UBE2W: variants seen among roughly 807,000 people sequenced by gnomAD.
The protein encoded by UBE2W is ubiquitin-conjugating enzyme E2 W.
A neutral mutation model predicts 27.2 loss-of-function variants in UBE2W; 18 were observed. The observed-to-expected ratio is 0.66, with a 90% CI of 0.46 to 0.98. The LOEUF is 0.98. Among genes scored for constraint, UBE2W ranks in the 50% least tolerant of loss-of-function variants. UBE2W has a pLI of 0.00. For synonymous variants in UBE2W, 53 were observed against 57.2 expected, an observed-to-expected ratio of 0.93 and a Z score of 0.33; for missense variants, 90 against 180.2, an observed-to-expected ratio of 0.50 and a Z score of 2.87.
At chr8:73,837,741 C>T (rs1371119388) in intron 1 of UBE2W, among the ~76,000 whole-genome samples, 1 of 152,176 alleles carries the variant, frequency 6.6e-6, no homozygotes, top group African/African-American at 2.4e-5. Context: ...CACCCCCAGC[C>T]CTGAGTAAAT....
At chr8:73,829,828 CT>C (rs1376818363) in intron 2 of UBE2W, among the ~76,000 whole-genome samples, 1 of 152,016 alleles carries the variant, frequency 6.6e-6, no homozygotes, top group African/African-American at 2.4e-5. Context: ...GCCACTTTTC[CT>C]TTTCTTTTTA....
chr8:73,790,410 C>T lies in UBE2W; in HGVS notation c.*3692G>A, dbSNP rs555197235. 3 of 985,342 alleles carry T rather than the reference C, an allele frequency of 3.0e-6. No individual in the cohort carries two copies. The highest frequency in any genetic ancestry group is 4.7e-5 in the South Asian group (1 of 21,288). The allele number at this position is 985,342 out of a possible 1,614,324, so 61.0% of individuals were successfully genotyped here. On this transcript the variant is annotated 3_prime_UTR_variant, in exon 6 of 6. Coordinates refer to ENST00000602593, the MANE Select transcript of UBE2W (RefSeq NM_018299.6). ...AGGCAGTAACGGCATTACTATAACA[C>T]AGAACAGTATAGTAGCTGATTCTGA...
chr8:73,852,463 T>C (rs1381713538), intron 1 of UBE2W, among the ~76,000 whole-genome samples: 1 of 152,210 alleles, frequency 6.6e-6, no homozygotes, highest in Non-Finnish European at 1.5e-5. Flanking sequence ...TAAAATACAG[T>C]TCTGTATCTT....
intron 1 of UBE2W, among the ~76,000 whole-genome samples, chr8:73,860,592 A>G (rs546342755): frequency 6.6e-6 from 1 of 152,350 alleles, no homozygotes; most frequent in East Asian, 1.9e-4. Context: ...ATACGGAGGC[A>G]CACAAGGTAC....
intron 1 of UBE2W, among the ~76,000 whole-genome samples, chr8:73,845,856 A>G (rs1810777125): frequency 6.6e-6 from 1 of 152,234 alleles, no homozygotes; most frequent in African/African-American, 2.4e-5. Flanking sequence ...ATGTAAGTAA[A>G]ACCACCAATT....
downstream of UBE2W, among the ~76,000 whole-genome samples, chr8:73,781,405 C>T (rs928578581): frequency 3.9e-5 from 6 of 152,050 alleles, no homozygotes; most frequent in Non-Finnish European, 7.4e-5. Flanking sequence ...CTCCCGTCTC[C>T]ACTTACTAAT....
chr8:73,841,918 A>C (rs1345385812), intron 1 of UBE2W, among the ~76,000 whole-genome samples: 1 of 152,138 alleles, frequency 6.6e-6, no homozygotes, highest in Middle Eastern at 3.2e-3. Flanking sequence ...ACTGAAAAAA[A>C]TTCTCCCCTG....
intron 1 of UBE2W, among the ~76,000 whole-genome samples, chr8:73,844,228 C>T (rs1810669925): frequency 6.6e-6 from 1 of 151,094 alleles, no homozygotes; most frequent in African/African-American, 2.5e-5. Flanking sequence ...GCCGCCATCT[C>T]AACTCACTGC....
At chr8:73,861,671 A>G (rs1811539700) in intron 1 of UBE2W, among the ~76,000 whole-genome samples, 1 of 152,186 alleles carries the variant, frequency 6.6e-6, no homozygotes, top group African/African-American at 2.4e-5. Flanking sequence ...ATATAATAAA[A>G]TATTTTTAAA....
intron 3 of UBE2W, among the ~76,000 whole-genome samples, chr8:73,813,389 A>C (rs1351113610): frequency 6.6e-6 from 1 of 152,258 alleles, no homozygotes; most frequent in Non-Finnish European, 1.5e-5. Context: ...GTAAGCAAAG[A>C]GAACCAGTAA....
chr8:73,788,761 C>A lies in UBE2W; in HGVS notation c.*5341G>T. The A allele has an allele frequency of 1.0e-6, 1 of 985,278 alleles. No homozygotes were observed. Among genetic ancestry groups the A allele is most frequent in the Non-Finnish European group, 1.2e-6 (1 of 829,912 alleles). The allele number at this position is 985,278 out of a possible 1,614,324, so 61.0% of individuals were successfully genotyped here. ...GACCAATGAGAAAACAACTTAGAAT[C>A]GTTGTAGGACCATCCTTTTCTCAAA... On this transcript the variant is annotated 3_prime_UTR_variant, in exon 6 of 6. Coordinates refer to ENST00000602593, the MANE Select transcript of UBE2W (RefSeq NM_018299.6).
At chr8:73,832,921 G>A (rs1384430587) in intron 1 of UBE2W, among the ~76,000 whole-genome samples, 1 of 152,168 alleles carries the variant, frequency 6.6e-6, no homozygotes, top group African/African-American at 2.4e-5. Context: ...TGGGCGTTGT[G>A]GCTCACGCCT....
intron 1 of UBE2W, among the ~76,000 whole-genome samples, chr8:73,862,067 T>A (rs1811554565): frequency 6.6e-6 from 1 of 152,200 alleles, no homozygotes; most frequent in African/African-American, 2.4e-5. Context: ...CTTACCCAAT[T>A]TACATAATTG....
At chr8:73,821,492 A>C (rs73338465) in intron 3 of UBE2W, among the ~76,000 whole-genome samples, 3,964 of 121,032 alleles carry the variant, frequency 0.033, 184 homozygotes, top group African/African-American at 0.11. Context: ...AATTCTGGGG[A>C]TGGTGGAGTG....
rs922743430 is a variant in UBE2W, at chr8:73,786,529, G to C, written c.*7573C>G. The stretch of plus-strand genomic sequence containing the variant: ...AAAAGTTCAGGATAGATGACTGGTA[G>C]GGAGAGAAGAAAGGACAAGGATGAT... On this transcript the variant is annotated 3_prime_UTR_variant, in exon 6 of 6. Coordinates refer to ENST00000602593, the MANE Select transcript of UBE2W (RefSeq NM_018299.6). The C allele has an allele frequency of 4.1e-6, 4 of 985,342 alleles. No homozygotes were observed. Among genetic ancestry groups the C allele is most frequent in the Non-Finnish European group, 4.8e-6 (4 of 829,954 alleles). 61.0% of individuals were successfully genotyped at this position (985,342 alleles called of 1,614,324 possible). A position where few individuals can be genotyped will look rare whatever the true frequency, so the allele number is the denominator to read the frequency against.
In UBE2W at chr8:73,796,719, A is replaced by T. The variant is rs964278216; in HGVS notation, c.443-2604T>A. The T allele has an allele frequency of 1.5e-5, 14 of 918,780 alleles. No homozygotes were observed. The East Asian group carries it at 1.5e-3, about 101-fold the overall frequency. 56.9% of individuals were successfully genotyped at this position (918,780 alleles called of 1,614,324 possible). A position where few individuals can be genotyped will look rare whatever the true frequency, so the allele number is the denominator to read the frequency against. The stretch of plus-strand genomic sequence containing the variant: ...TATGTAATCAAGAGTTTATAAGCAA[A>T]CTTTAAGTATAGATACAACTATGAG... On this transcript the variant is annotated intron_variant, in intron 5 of 5. Transcript: ENST00000602593.
chr8:73,827,520 T>C (rs902633266), intron 2 of UBE2W, among the ~76,000 whole-genome samples: 1 of 151,988 alleles, frequency 6.6e-6, no homozygotes, highest in East Asian at 1.9e-4. Flanking sequence ...GGCCTGTGCA[T>C]GGTACTTTCT....
chr8:73,878,803 C>T lies in UBE2W; in HGVS notation c.15+5G>A. ...GCCCGCCCAGATGCAGCAAACTCCT[C>T]TCACCTGCATTGACGCCATGATGGA... On this transcript the variant is annotated splice_donor_5th_base_variant and intron_variant, in intron 1 of 5. Coordinates refer to ENST00000602593, the MANE Select transcript of UBE2W (RefSeq NM_018299.6). 6.4e-7 allele frequency: 1 copy of T among 1,550,498 alleles called. No homozygotes were observed.
rs1259876405 is a variant in UBE2W, at chr8:73,786,893, T to C, written c.*7209A>G. On this transcript the variant is annotated 3_prime_UTR_variant, in exon 6 of 6. Coordinates refer to ENST00000602593, the MANE Select transcript of UBE2W (RefSeq NM_018299.6). ...ATTATAACAGGATAAAAGAAATATG[T>C]TTTCATTGAGGTATGGAAACATAAA... is the stretch of plus-strand genomic sequence containing the variant. 5 of 985,334 alleles carry C rather than the reference T, an allele frequency of 5.1e-6. No individual in the cohort carries two copies. Among genetic ancestry groups the C allele is most frequent in the Non-Finnish European group, 6.0e-6 (5 of 829,890 alleles). 61.0% of individuals were successfully genotyped at this position (985,334 alleles called of 1,614,324 possible).
Sources: allele counts gnomAD v4.1 joint callset (sites outside exome capture counted in the v4.1 genomes callset), GRCh38; gene constraint gnomAD v4.1.1; transcripts MANE v1.5; gene names NCBI Gene and HGNC (gene_info 2026-07-23, HGNC 2026-07-21).